TEX36: variants seen among roughly 807,000 people sequenced by gnomAD.
The protein encoded by TEX36 is testis-expressed protein 36.
Under a neutral mutation model 13.6 loss-of-function variants are expected in TEX36, and 12 were observed. The ratio of observed to expected loss-of-function variants is 0.88; its 90% CI spans 0.56 to 1.43. The LOEUF is 1.43. Among genes scored for constraint, TEX36 ranks in the 40% most tolerant of loss-of-function variants. The pLI, the probability that TEX36 is intolerant of heterozygous loss-of-function variation, is 0.00. For synonymous variants in TEX36, 93 were observed against 83.0 expected (o/e 1.12, Z -0.65); for missense variants, 224 against 228.3 (o/e 0.98, Z 0.12).
chr10:125,667,650 T>C, intron 1 of TEX36: 1 of 719,920 alleles, frequency 1.4e-6, no homozygotes, highest in Admixed American at 1.9e-5. Context: ...ACACCACCCT[T>C]GGACATGACA....
rs188494649 is a variant in TEX36, at chr10:125,633,520, G to A, written c.265-11875C>T. Among the ~76,000 whole-genome samples, 3 of 152,288 alleles carry A rather than the reference G, an allele frequency of 2.0e-5. No individual in the cohort carries two copies. The East Asian group carries it at 5.8e-4, about 29-fold the overall frequency. On this transcript the variant is annotated intron_variant, in intron 3 of 3. Transcript: ENST00000526819. The stretch of plus-strand genomic sequence containing the variant: ...CAGGAGAAAATGTAGAAAACAGAGG[G>A]AAAACGATTTCCCCAAATCCTGCCC...
chr10:125,578,330 C>T (rs960803401), intron 3 of TEX36: 2 of 152,168 alleles, frequency 1.3e-5, no homozygotes, highest in African/African-American at 4.8e-5. Context: ...AACTTGACTA[C>T]TATGGATGAT....
intron 1 of TEX36, among the ~76,000 whole-genome samples, chr10:125,663,788 G>T (rs1386026320): frequency 2.0e-5 from 3 of 152,122 alleles, no homozygotes; most frequent in Non-Finnish European, 4.4e-5. Flanking sequence ...CATACAGTGT[G>T]TAATAATCAC....
chr10:125,610,667 A>T (rs1328540847), intron 3 of TEX36, among the ~76,000 whole-genome samples: 6 of 151,968 alleles, frequency 3.9e-5, no homozygotes, highest in East Asian at 3.9e-4. Flanking sequence ...GATTTTTTTT[A>T]AATTTTAACC....
At chr10:125,609,149 C>T (rs750085720) in intron 3 of TEX36, among the ~76,000 whole-genome samples, 45 of 134,074 alleles carry the variant, frequency 3.4e-4, no homozygotes, top group Non-Finnish European at 6.0e-4. Context: ...AGGGAGACTC[C>T]ATCTCAGGAA....
intron 3 of TEX36, among the ~76,000 whole-genome samples, chr10:125,608,481 G>C (rs1291378737): frequency 6.6e-6 from 1 of 152,196 alleles, no homozygotes; most frequent in Non-Finnish European, 1.5e-5. Context: ...GGAAAAACTT[G>C]TCTGTCCTCC....
chr10:125,640,904 A>T (rs1846681002), intron 3 of TEX36, among the ~76,000 whole-genome samples: 1 of 152,050 alleles, frequency 6.6e-6, no homozygotes, highest in Non-Finnish European at 1.5e-5. Flanking sequence ...CCTGTACTCA[A>T]CAGAACATAT....
intron 3 of TEX36, among the ~76,000 whole-genome samples, chr10:125,614,099 A>G (rs1846326491): frequency 6.6e-6 from 1 of 152,142 alleles, no homozygotes; most frequent in South Asian, 2.1e-4. Context: ...GTGTTTGTTC[A>G]TGTCCTTTGC....
chr10:125,679,146 C>T lies in TEX36; in HGVS notation c.51+3793G>A, dbSNP rs868305111. Among the ~76,000 whole-genome samples the T allele has an allele frequency of 2.9e-5, 4 of 136,558 alleles. 1 individual carries two copies. Among genetic ancestry groups the T allele is most frequent in the East Asian group, 4.7e-4 (2 of 4,252 alleles). The allele number at this position is 136,558 out of a possible 152,430, so 89.6% of individuals were successfully genotyped here. On this transcript the variant is annotated intron_variant, in intron 1 of 3. Transcript: ENST00000368821. ...GCTCTGGCTACAGGAGCACCCCCCC[C>T]GCCCCCGCCAAGCTGACAACTTAGT...
chr10:125,625,982 A>G (rs1846484196), intron 3 of TEX36, among the ~76,000 whole-genome samples: 1 of 152,176 alleles, frequency 6.6e-6, no homozygotes, highest in African/African-American at 2.4e-5. Context: ...GGCATTACCC[A>G]TCACCTGCTC....
At chr10:125,667,025 C>G in intron 1 of TEX36, 2 of 1,468,022 alleles carry the variant, frequency 1.4e-6, no homozygotes, top group Non-Finnish European at 1.9e-6. Flanking sequence ...CTTCCTGCCC[C>G]AGGCCTTCAG....
At chr10:125,622,517 C>G (rs1270687772) in intron 3 of TEX36, among the ~76,000 whole-genome samples, 1 of 152,222 alleles carries the variant, frequency 6.6e-6, no homozygotes, top group African/African-American at 2.4e-5. Flanking sequence ...AGTACCTTGG[C>G]TGATCATGAT....
At chr10:125,600,649 C>A (rs978966686) in intron 3 of TEX36, among the ~76,000 whole-genome samples, 1 of 152,178 alleles carries the variant, frequency 6.6e-6, no homozygotes, top group Non-Finnish European at 1.5e-5. Flanking sequence ...CCCAGTGATA[C>A]CCCAGGGTCC....
At chr10:125,682,114 A>G (rs1186260354) in intron 1 of TEX36, among the ~76,000 whole-genome samples, 4 of 152,176 alleles carry the variant, frequency 2.6e-5, no homozygotes, top group Non-Finnish European at 4.4e-5. Context: ...TCCCCTTAAC[A>G]TTCTTTTTGT....
At chr10:125,640,075 G>T in intron 3 of TEX36, 2 of 753,248 alleles carry the variant, frequency 2.7e-6, no homozygotes, top group Non-Finnish European at 3.2e-6. Context: ...CCCGTCAGTA[G>T]CTATATGGAA....
Position 125,655,798 on chromosome 10 carries a change from C to A in TEX36, c.*102G>T, listed in dbSNP as rs1410208491. The stretch of plus-strand genomic sequence containing the variant: ...TGACCTTATAAAAATCATAAAAGTA[C>A]TTTAAAAATTAAATAGTGGTGCTGG... On this transcript the variant is annotated 3_prime_UTR_variant, in exon 4 of 4. Transcript: ENST00000368821. The A allele has an allele frequency of 1.3e-5, 17 of 1,351,908 alleles. 1 individual carries two copies. The highest frequency in any genetic ancestry group is 1.6e-5 in the Non-Finnish European group (17 of 1,048,974). 83.7% of individuals were successfully genotyped at this position (1,351,908 alleles called of 1,614,324 possible).
intron 3 of TEX36, among the ~76,000 whole-genome samples, chr10:125,612,771 G>C (rs60460357): frequency 0.026 from 3,877 of 149,992 alleles, 247 homozygotes; most frequent in East Asian, 0.21. Flanking sequence ...TATCACATCC[G>C]CTAAAACTTC....
chr10:125,674,859 T>G lies in TEX36; in HGVS notation c.51+8080A>C, dbSNP rs79866413. Among the ~76,000 whole-genome samples, 238 of 152,358 alleles carry G rather than the reference T, an allele frequency of 1.6e-3. 2 individuals carry two copies. The highest frequency in any genetic ancestry group is 5.7e-3 in the African/African-American group (235 of 41,580). On this transcript the variant is annotated intron_variant, in intron 1 of 3. Transcript: ENST00000368821. The stretch of plus-strand genomic sequence containing the variant: ...CCTGATACCAGCAGGAACACTCCTG[T>G]GTAACTTGACTGAGGGGTCTCACCC...
intron 3 of TEX36, among the ~76,000 whole-genome samples, chr10:125,605,715 C>T (rs1408841484): frequency 6.6e-6 from 1 of 152,186 alleles, no homozygotes; most frequent in Non-Finnish European, 1.5e-5. Context: ...GATTCTCCTG[C>T]CTCAGCCTAC....
Sources: gnomAD v4.1 joint callset for allele counts (sites outside exome capture counted in the v4.1 genomes callset) on GRCh38, gnomAD v4.1.1 for gene constraint, MANE v1.5 for transcripts, NCBI Gene and HGNC (gene_info 2026-07-23, HGNC 2026-07-21) for gene names.